Variants in KLRG1 observed in about 807,000 individuals in gnomAD.
KLRG1 encodes the protein killer cell lectin-like receptor subfamily G member 1.
In KLRG1, 16 loss-of-function variants were observed where a neutral mutation model predicts 21.8. That is an observed-to-expected ratio of 0.73 (90% CI 0.50 to 1.11). The LOEUF is 1.11. Ranked by LOEUF, KLRG1 falls within the 50% of genes most tolerant of loss-of-function variation. The pLI is 0.00. For synonymous variants in KLRG1, 69 were observed against 75.9 expected (o/e 0.91, Z 0.47); for missense variants, 173 against 218.3 (o/e 0.79, Z 1.31).
chr12:8,954,320 G>A (rs899984694), intron 1 of KLRG1, among the ~76,000 whole-genome samples: 2 of 151,760 alleles, frequency 1.3e-5, no homozygotes, highest in Admixed American at 6.6e-5. Flanking sequence ...ACGAAGTTGC[G>A]GTTAGATTCT....
chr12:8,954,541 T>C (rs1457545205), intron 1 of KLRG1, among the ~76,000 whole-genome samples: 1 of 151,880 alleles, frequency 6.6e-6, no homozygotes, highest in African/African-American at 2.4e-5. Context: ...TGTATATTTT[T>C]AAAAAGTTTT....
chr12:9,044,975 T>A, the KLRG1 span, among the ~76,000 whole-genome samples: 35,354 of 151,994 alleles, frequency 0.23, 4,820 homozygotes, highest in East Asian at 0.32. Context: ...AAAATTTTGG[T>A]GGCTGCAAAT....
chr12:9,069,069 A>G, the KLRG1 span: 1 of 397,862 alleles, frequency 2.5e-6, no homozygotes, highest in Non-Finnish European at 4.5e-6. Context: ...GCCAATACAT[A>G]GCTCTGTTCA....
the KLRG1 span, among the ~76,000 whole-genome samples, chr12:9,095,949 C>T: frequency 2.7e-5 from 4 of 150,412 alleles, no homozygotes; most frequent in East Asian, 3.9e-4. Flanking sequence ...TTAGTAGAGA[C>T]GGGGTTTCAC....
chr12:8,979,024 T>C (rs1946711443), intron 1 of KLRG1, among the ~76,000 whole-genome samples: 1 of 150,006 alleles, frequency 6.7e-6, no homozygotes, highest in Non-Finnish European at 1.5e-5. Context: ...CTGTCTTTTT[T>C]TTTTTTTTTT....
the KLRG1 span, among the ~76,000 whole-genome samples, chr12:9,039,206 C>T: frequency 1.8e-3 from 275 of 152,344 alleles, 2 homozygotes; most frequent in African/African-American, 6.3e-3. Context: ...TTCGCCTCCG[C>T]GTCTATTCTC....
At chr12:9,070,578 A>C in the KLRG1 span, 1 of 1,610,676 alleles carries the variant, frequency 6.2e-7, no homozygotes, top group Admixed American at 1.7e-5. Context: ...TCCCTGTGTA[A>C]CTGAGGATCC....
At chr12:8,974,179 T>G (rs866143089) in intron 1 of KLRG1, among the ~76,000 whole-genome samples, 38 of 151,738 alleles carry the variant, frequency 2.5e-4, no homozygotes, top group East Asian at 1.9e-3. Context: ...GTTTTGTTTT[T>G]TTTTTTGAGA....
chr12:9,091,553 GGA>G, the KLRG1 span: 2 of 962,148 alleles, frequency 2.1e-6, no homozygotes, highest in Non-Finnish European at 3.1e-6. Flanking sequence ...TACCAATAAT[GGA>G]GAGTATAATC....
At chr12:9,027,909 C>T in the KLRG1 span, 6 of 880,206 alleles carry the variant, frequency 6.8e-6, no homozygotes, top group Non-Finnish European at 1.1e-5. Flanking sequence ...ATTTCGACCT[C>T]TTTGGCTAGA....
At chr12:9,089,348 G>C in the KLRG1 span, 3 of 894,800 alleles carry the variant, frequency 3.4e-6, no homozygotes, top group Non-Finnish European at 5.4e-6. Flanking sequence ...GTGAAGAGAA[G>C]GATTTGAACT....
chr12:9,027,388 G>C, the KLRG1 span: 2 of 500,516 alleles, frequency 4.0e-6, no homozygotes, highest in Non-Finnish European at 7.5e-6. Flanking sequence ...CCATGCACAT[G>C]AGTATTTGCG....
At chr12:9,182,215 T>C in the KLRG1 span, 13 of 1,160,566 alleles carry the variant, frequency 1.1e-5, no homozygotes, top group Non-Finnish European at 1.5e-5. Context: ...CTTATCCACT[T>C]GAGAACTGCG....
At chr12:8,995,552 G>A (rs938443299) in intron 3 of KLRG1, among the ~76,000 whole-genome samples, 8 of 152,124 alleles carry the variant, frequency 5.3e-5, no homozygotes, top group Admixed American at 5.2e-4. Context: ...TGTATAGCAT[G>A]TAAGTGTGTA....
At chr12:9,151,918 G>T in the KLRG1 span, among the ~76,000 whole-genome samples, 27 of 152,118 alleles carry the variant, frequency 1.8e-4, no homozygotes, top group Admixed American at 1.8e-3. Flanking sequence ...ATATCAGTCA[G>T]TTTGGGATTT....
At chr12:9,159,893 G>A in the KLRG1 span, 18 of 1,497,182 alleles carry the variant, frequency 1.2e-5, no homozygotes, top group South Asian at 2.3e-5. Flanking sequence ...CTATGTGCAC[G>A]TTCTGAACTC....
At chr12:9,195,611 A>ATTTTT in the KLRG1 span, among the ~76,000 whole-genome samples, 15 of 104,248 alleles carry the variant, frequency 1.4e-4, no homozygotes, top group South Asian at 3.2e-4. Context: ...CCCACTGCTA[A>ATTTTT]TTTTTTTTTT....
chr12:8,969,319 A>ATG (rs1946530040), intron 1 of KLRG1, among the ~76,000 whole-genome samples: 5 of 152,144 alleles, frequency 3.3e-5, no homozygotes, highest in African/African-American at 1.2e-4. Context: ...CGTGGTACTC[A>ATG]CACCTCTTTC....
the KLRG1 span, among the ~76,000 whole-genome samples, chr12:9,172,275 T>C: frequency 3.3e-5 from 5 of 152,312 alleles, no homozygotes; most frequent in African/African-American, 1.2e-4. Flanking sequence ...TAAGATTCTT[T>C]TCAAACAAGT....
Sources: allele counts gnomAD v4.1 joint callset (sites outside exome capture counted in the v4.1 genomes callset), GRCh38; gene constraint gnomAD v4.1.1; transcripts MANE v1.5; gene names NCBI Gene and HGNC (gene_info 2026-07-23, HGNC 2026-07-21).